DCAF6: variants seen among roughly 807,000 people sequenced by gnomAD.
DCAF6 encodes DDB1 and CUL4 associated factor 6.
DCAF6 carries 54 observed loss-of-function variants against 125.1 expected under a neutral mutation model. The observed-to-expected ratio is 0.43, with a 90% CI of 0.35 to 0.54. The LOEUF is 0.54. DCAF6 is among the 20% of genes least tolerant of loss of function. The probability of loss-of-function intolerance (pLI) is 0.01; values close to 1 mark genes in which losing one functional copy is unlikely to be tolerated. For synonymous variants in DCAF6, 371 were observed against 390.4 expected (o/e 0.95, Z 0.58); for missense variants, 934 against 1,161.7 (o/e 0.80, Z 2.85).
the DCAF6 span, chr1:167,902,059 G>GAAAA: frequency 7.3e-7 from 1 of 1,363,504 alleles, no homozygotes; most frequent in Non-Finnish European, 1.0e-6. Context: ...ACACTTCTGA[G>GAAAA]AAAAAAAAAA....
intron 4 of DCAF6, among the ~76,000 whole-genome samples, chr1:167,979,671 G>A (rs1380771287): frequency 6.6e-6 from 1 of 152,144 alleles, no homozygotes; most frequent in African/African-American, 2.4e-5. Context: ...CAGATCACTT[G>A]AGGTTAGGAG....
intron 17 of DCAF6, among the ~76,000 whole-genome samples, chr1:168,051,332 C>T (rs893957995): frequency 1.3e-5 from 2 of 152,128 alleles, no homozygotes; most frequent in South Asian, 2.1e-4. Flanking sequence ...TCCTTGAGCT[C>T]AATAACTAAA....
At chr1:167,872,069 C>T in the DCAF6 span, among the ~76,000 whole-genome samples, 2 of 152,012 alleles carry the variant, frequency 1.3e-5, no homozygotes, top group Non-Finnish European at 2.9e-5. Context: ...AGGCTGGGAG[C>T]GGTGGCTCAC....
intron 21 of DCAF6, among the ~76,000 whole-genome samples, chr1:168,071,553 T>C (rs1408428917): frequency 1.3e-5 from 2 of 151,898 alleles, no homozygotes. Flanking sequence ...AGAGTCACTT[T>C]AACTTGGGAG....
At chr1:168,012,880 A>G (rs1443846325) in intron 10 of DCAF6, among the ~76,000 whole-genome samples, 2 of 152,158 alleles carry the variant, frequency 1.3e-5, no homozygotes, top group African/African-American at 4.8e-5. Flanking sequence ...GCATCACTAC[A>G]TGTACTGAGA....
Position 168,016,321 on chromosome 1 carries a change from A to G in DCAF6, c.1549+370A>G, listed in dbSNP as rs116185029. Among the ~76,000 whole-genome samples the G allele has an allele frequency of 8.4e-3, 1,274 of 152,226 alleles. 7 individuals are homozygous for G. The highest frequency in any genetic ancestry group is 0.013 in the Non-Finnish European group (891 of 68,012). On this transcript the variant is annotated intron_variant, in intron 11 of 21. Transcript: ENST00000367840. ...AATGAATCTATGCTTTATGGCTCCT[A>G]GCTCTTCTTCTTCTTCCTCTTTGAA...
chr1:167,984,730 A>G (rs1167093473), intron 4 of DCAF6, among the ~76,000 whole-genome samples: 1 of 152,208 alleles, frequency 6.6e-6, no homozygotes, highest in African/African-American at 2.4e-5. Flanking sequence ...TATACTTTTT[A>G]TATATTTTTT....
chr1:167,906,515 C>T, the DCAF6 span, among the ~76,000 whole-genome samples: 1 of 151,432 alleles, frequency 6.6e-6, no homozygotes, highest in Non-Finnish European at 1.5e-5. Context: ...ATGCTAGATG[C>T]AGTGGTTTGT....
the DCAF6 span, chr1:167,901,843 C>T: frequency 6.8e-6 from 11 of 1,613,978 alleles, no homozygotes; most frequent in Admixed American, 3.3e-5. Flanking sequence ...TTGACCTGCC[C>T]TGGGGATCAA....
chr1:168,022,838 C>T, intron 11 of DCAF6, 150 bp from the exon 12 acceptor site: 1 of 699,368 alleles, frequency 1.4e-6, no homozygotes, highest in East Asian at 2.7e-5. Flanking sequence ...GCACATGGCC[C>T]TGCTTACTCA....
intron 2 of DCAF6, among the ~76,000 whole-genome samples, chr1:167,964,634 GT>G (rs1676116715): frequency 6.6e-6 from 1 of 152,100 alleles, no homozygotes; most frequent in East Asian, 1.9e-4. Context: ...CAGATATTCT[GT>G]TCTTTTCTCC....
chr1:167,961,941 C>T (rs1320917998), intron 2 of DCAF6, among the ~76,000 whole-genome samples: 1 of 152,132 alleles, frequency 6.6e-6, no homozygotes, highest in African/African-American at 2.4e-5. Flanking sequence ...TTTAAAATTT[C>T]TCTTGAGATT....
intron 2 of DCAF6, among the ~76,000 whole-genome samples, chr1:167,965,606 C>T (rs1257155548): frequency 1.3e-5 from 2 of 152,074 alleles, no homozygotes; most frequent in African/African-American, 4.8e-5. Flanking sequence ...CACCATACCC[C>T]CACCGCATGA....
intron 4 of DCAF6, 32 bp from the exon 5 acceptor site, chr1:167,987,462 TA>T (rs1364506457): frequency 9.8e-7 from 1 of 1,020,700 alleles, no homozygotes; most frequent in South Asian, 1.3e-5. Flanking sequence ...TAAATGTTCG[TA>T]TGATTATCTG....
At chr1:167,880,089 G>C in the DCAF6 span, 3 of 1,598,942 alleles carry the variant, frequency 1.9e-6, no homozygotes, top group South Asian at 1.1e-5. Flanking sequence ...CAGAAAGAAA[G>C]CTGGAGATGA....
chr1:167,898,185 A>G, the DCAF6 span, among the ~76,000 whole-genome samples: 1 of 151,828 alleles, frequency 6.6e-6, no homozygotes, highest in Non-Finnish European at 1.5e-5. Context: ...TCTTGTTATG[A>G]AAGATGTTAA....
At chr1:167,963,034 T>C (rs1571690185) in intron 2 of DCAF6, among the ~76,000 whole-genome samples, 1 of 151,174 alleles carries the variant, frequency 6.6e-6, no homozygotes, top group Non-Finnish European at 1.5e-5. Context: ...CCAAGGCGGG[T>C]GGATCACCTG....
At chr1:167,994,458 C>T (rs1259600922) in intron 7 of DCAF6, among the ~76,000 whole-genome samples, 1 of 151,932 alleles carries the variant, frequency 6.6e-6, no homozygotes, top group East Asian at 1.9e-4. Context: ...CCTTTCTGTC[C>T]CAATTGTGCC....
chr1:167,936,956 G>A lies in DCAF6; in HGVS notation c.45G>A (p.Arg15=), dbSNP rs1228017790. 1 of 1,611,112 alleles carries A rather than the reference G, an allele frequency of 6.2e-7. No individual in the cohort carries two copies. The highest frequency in any genetic ancestry group is 8.5e-7 in the Non-Finnish European group (1 of 1,179,226). ...ACCCACACCTGTTGTGGGACGTGAGGAAAAGGTCCCTCGGGCTGGAGGACC... is the reference window on the plus strand; with the variant it reads ...ACCCACACCTGTTGTGGGACGTGAGAAAAAGGTCCCTCGGGCTGGAGGACC... The part of the protein sequence containing the change: ...GSYPHLLWDV[R]KRSLGLEDPS... The change falls in exon 1 of 22, where the codon AGG becomes AGA. Residue 15 remains arginine (R), a synonymous_variant. Coordinates refer to ENST00000367840, the MANE Select transcript of DCAF6 (RefSeq NM_001198956.2).
Sources: allele counts gnomAD v4.1 joint callset (sites outside exome capture counted in the v4.1 genomes callset), GRCh38; gene constraint gnomAD v4.1.1; transcripts MANE v1.5; gene names NCBI Gene and HGNC (gene_info 2026-07-23, HGNC 2026-07-21).